Variants in ZDHHC9 observed in about 807,000 individuals in gnomAD.
ZDHHC9 encodes the protein zDHHC palmitoyltransferase 9.
In ZDHHC9, 3 loss-of-function variants were observed where a neutral mutation model predicts 26.6. The observed-to-expected ratio is 0.11, with a 90% CI of 0.05 to 0.29. ZDHHC9 has a LOEUF of 0.29. ZDHHC9 is among the 10% of genes least tolerant of loss of function. ZDHHC9 has a pLI of 1.00. For missense variants in ZDHHC9, 146 were observed against 296.4 expected (o/e 0.49, Z 3.73); for synonymous variants, 111 against 109.4 (o/e 1.01, Z -0.09).
chrX:129,820,654 G>C (rs1176116366), intron 5 of ZDHHC9, among the ~76,000 whole-genome samples: 1 of 111,473 alleles, frequency 9.0e-6, no homozygotes, highest in East Asian at 2.8e-4. Context: ...CAATTATATT[G>C]TTATGAACTG....
At chrX:129,822,490 C>T (rs868349576) in intron 5 of ZDHHC9, among the ~76,000 whole-genome samples, 1 of 110,151 alleles carries the variant, frequency 9.1e-6, no homozygotes, top group Non-Finnish European at 1.9e-5. Flanking sequence ...AGGACAAATA[C>T]CTAATGCATG....
chrX:129,838,942 G>A (rs1310443576), intron 3 of ZDHHC9, among the ~76,000 whole-genome samples: 1 of 112,389 alleles, frequency 8.9e-6, no homozygotes, highest in East Asian at 2.8e-4. Context: ...CAAGCCATCT[G>A]GCTGGCCCAG....
intron 5 of ZDHHC9, among the ~76,000 whole-genome samples, chrX:129,818,578 A>G (rs988754413): frequency 6.2e-5 from 7 of 112,700 alleles, no homozygotes; most frequent in African/African-American, 2.3e-4. Context: ...GTCTAATGAC[A>G]GAAGACTGCC....
intron 5 of ZDHHC9, chrX:129,822,822 CATT>C (rs1206218759): frequency 9.0e-6 from 1 of 111,209 alleles, no homozygotes; most frequent in Admixed American, 9.6e-5. Flanking sequence ...ACAGAAAAAA[CATT>C]ATCCAATCAT....
intron 2 of ZDHHC9, among the ~76,000 whole-genome samples, chrX:129,842,812 C>T (rs1928412018): frequency 8.9e-6 from 1 of 112,870 alleles, no homozygotes; most frequent in African/African-American, 3.2e-5. Flanking sequence ...AATGAAACCA[C>T]ATCAGAGACC....
At chrX:129,812,940 T>C in intron 7 of ZDHHC9, 120 bp from the exon 8 acceptor site, 1 of 528,072 alleles carries the variant, frequency 1.9e-6, no homozygotes, top group Non-Finnish European at 3.4e-6. Context: ...CAAAAAGCCA[T>C]GTTTCCATAT....
At position 129,816,439 on chromosome X, in the gene ZDHHC9, A is replaced by G. The variant is rs190206908; in HGVS notation, c.488-1644T>C. On this transcript the variant is annotated intron_variant, in intron 5 of 10. Coordinates refer to ENST00000357166, the MANE Select transcript of ZDHHC9 (RefSeq NM_016032.4). ...ACTGATACTGTATTTATTGGAAAAA[A>G]AAAACCCTCATTATTAAGTGGGCCC... is the stretch of plus-strand genomic sequence containing the variant. 4.5e-5 allele frequency among the ~76,000 whole-genome samples: 5 copies of G among 111,126 alleles called. No homozygotes were observed. In the East Asian group the frequency reaches 1.4e-3, roughly 31 times the overall value.
rs905553534 is a variant in ZDHHC9 at position 129,819,250 on chromosome X, T to C, written c.487+4429A>G. ...AGTGAGCTGTGTACTGGTGAAAAAA[T>C]AAGGCTGTAAAAATGGTCTATCTCC... On this transcript the variant is annotated intron_variant, in intron 5 of 10. Coordinates refer to ENST00000357166, the MANE Select transcript of ZDHHC9 (RefSeq NM_016032.4). 1.9e-4 allele frequency among the ~76,000 whole-genome samples: 14 copies of C among 74,567 alleles called. No homozygotes were observed. In the Admixed American group the frequency reaches 2.1e-3, roughly 11 times the overall value. 64.8% of individuals were successfully genotyped at this position (74,567 alleles called of 115,157 possible).
At position 129,829,107 on chromosome X, in the gene ZDHHC9, T is replaced by C. The variant is rs201379335; in HGVS notation, c.202A>G (p.Ile68Val). 1.7e-6 allele frequency: 2 copies of C among 1,209,740 alleles called. No homozygotes were observed. Among genetic ancestry groups the C allele is most frequent in the Admixed American group, 2.2e-5 (1 of 45,685 alleles). ...AAGAGCATGGCAGCAAATACAGGGA[T>C]GGCAGGAGACAGCTGAACAGCCAGG... ...RYLAVQLSPA[I>V]PVFAAMLFLF... The change falls in exon 4 of 11, where the codon ATC becomes GTC. Residue 68 changes from isoleucine to valine, a missense_variant. Ile to Val is a conservative substitution (Grantham distance 29). Coordinates refer to ENST00000357166, the MANE Select transcript of ZDHHC9 (RefSeq NM_016032.4).
rs1927455811 is a variant in ZDHHC9 at position 129,804,058 on chromosome X, A to T, written c.*2312T>A. The T allele has an allele frequency of 9.0e-6, 1 of 111,303 alleles. No homozygotes were observed. Among genetic ancestry groups the T allele is most frequent in the Non-Finnish European group, 1.9e-5 (1 of 53,015 alleles). 9.2% of individuals were successfully genotyped at this position (111,303 alleles called of 1,213,427 possible). A position where few individuals can be genotyped will look rare whatever the true frequency, so the allele number is the denominator to read the frequency against. On this transcript the variant is annotated 3_prime_UTR_variant, in exon 11 of 11. Coordinates refer to ENST00000357166, the MANE Select transcript of ZDHHC9 (RefSeq NM_016032.4). ...AATCATTTCACACTAGAGATAAGAG[A>T]TTTCCACTTTGACCCTTCCCATCAG...
intron 6 of ZDHHC9, 22 bp from the exon 7 acceptor site, chrX:129,813,747 TAG>T (rs775038902): frequency 8.4e-7 from 1 of 1,195,904 alleles, no homozygotes; most frequent in Admixed American, 2.2e-5. Flanking sequence ...GATGGAAGAG[TAG>T]AGAGAAAAAT....
rs1927510860 is a variant in ZDHHC9, at chrX:129,806,159, A to T, written c.*211T>A. ...AGAGACCCATTTTTCCAGTTATCAG[A>T]GGTGACTGACATCTTCTGCCACTGC... is the stretch of plus-strand genomic sequence containing the variant. On this transcript the variant is annotated 3_prime_UTR_variant, in exon 11 of 11. Transcript: ENST00000357166. The T allele has an allele frequency of 2.2e-6, 1 of 463,466 alleles. No individual in the cohort carries two copies. Among genetic ancestry groups the T allele is most frequent in the East Asian group, 3.6e-5 (1 of 27,699 alleles). 38.2% of individuals were successfully genotyped at this position (463,466 alleles called of 1,213,427 possible).
intron 3 of ZDHHC9, among the ~76,000 whole-genome samples, chrX:129,841,273 C>A (rs1360996167): frequency 2.7e-5 from 3 of 112,420 alleles, no homozygotes; most frequent in African/African-American, 9.7e-5. Flanking sequence ...ATGTGCCACG[C>A]ACACAACTAG....
intron 5 of ZDHHC9, among the ~76,000 whole-genome samples, chrX:129,816,687 G>A (rs759003510): frequency 1.5e-4 from 17 of 110,611 alleles, no homozygotes; most frequent in Non-Finnish European, 2.6e-4. Context: ...AGTGAGAATA[G>A]GGTAAAATGG....
rs142944444 is a variant in ZDHHC9, at chrX:129,823,754, G to C, written c.412C>G (p.Leu138Val). 8.3e-7 allele frequency: 1 copy of C among 1,211,215 alleles called. No individual in the cohort carries two copies. The highest frequency in any genetic ancestry group is 1.1e-6 in the Non-Finnish European group (1 of 895,422). ...ATCTTGCATGTGTAACAGTATTTCA[G>C]TTTCACAATCTGGTTGTTTATCTGG... ...NFQINNQIVKLKYCYTCKIFR... is the reference protein window; with the variant it reads ...NFQINNQIVKVKYCYTCKIFR... The change falls in exon 5 of 11, where the codon CTG (leucine) becomes GTG (valine). Residue 138 changes from leucine (L) to valine (V), a missense_variant. Coordinates refer to ENST00000357166, the MANE Select transcript of ZDHHC9 (RefSeq NM_016032.4).
Position 129,803,354 on chromosome X carries a change from C to A in ZDHHC9, c.*3016G>T, listed in dbSNP as rs1487482558. On this transcript the variant is annotated 3_prime_UTR_variant, in exon 11 of 11. Coordinates refer to ENST00000357166, the MANE Select transcript of ZDHHC9 (RefSeq NM_016032.4). The stretch of plus-strand genomic sequence containing the variant: ...GGCTCCTTCATTAATTGGCTTCCCC[C>A]CAAAAGAAAGATTTCTTTATTAAGA... 1 of 111,920 alleles carries A rather than the reference C, an allele frequency of 8.9e-6. No homozygotes were observed. The highest frequency in any genetic ancestry group is 2.8e-4 in the East Asian group (1 of 3,594). 9.2% of individuals were successfully genotyped at this position (111,920 alleles called of 1,213,427 possible).
chrX:129,807,107 G>T (rs969086218), intron 10 of ZDHHC9, among the ~76,000 whole-genome samples: 1 of 112,411 alleles, frequency 8.9e-6, no homozygotes, highest in Non-Finnish European at 1.9e-5. Flanking sequence ...TTTAGGAAAG[G>T]CAAAGTAGAG....
intron 9 of ZDHHC9, 114 bp downstream of exon 9, chrX:129,811,292 A>AAG: frequency 1.5e-6 from 1 of 653,211 alleles, no homozygotes; most frequent in Non-Finnish European, 2.4e-6. Context: ...AAGCCCTGGA[A>AAG]AGACCTATTT....
intron 10 of ZDHHC9, 45 bp from the exon 11 acceptor site, chrX:129,806,531 A>G: frequency 9.1e-7 from 1 of 1,103,982 alleles, no homozygotes; most frequent in Non-Finnish European, 1.3e-6. Flanking sequence ...CTGTTCCTCA[A>G]AATCCAAATG....
Sources: gnomAD v4.1 joint callset for allele counts (sites outside exome capture counted in the v4.1 genomes callset) on GRCh38, gnomAD v4.1.1 for gene constraint, MANE v1.5 for transcripts, NCBI Gene and HGNC (gene_info 2026-07-23, HGNC 2026-07-21) for gene names.